Variants in ARHGAP42 observed in about 807,000 individuals in gnomAD.
ARHGAP42 encodes Rho GTPase activating protein 42, also known as rho GTPase-activating protein 42.
ARHGAP42 carries 63 observed loss-of-function variants against 125.0 expected under a neutral mutation model. That is an observed-to-expected ratio of 0.50 (90% CI 0.41 to 0.62). The LOEUF (loss-of-function observed/expected upper bound fraction) is 0.62, where lower values mean the gene tolerates loss of function less well. Ranked by LOEUF, ARHGAP42 falls within the 20% of genes least tolerant of loss-of-function variation. The pLI, the probability that ARHGAP42 is intolerant of heterozygous loss-of-function variation, is 0.00. For missense variants in ARHGAP42, 766 were observed against 1,024.2 expected (o/e 0.75, Z 3.44); for synonymous variants, 339 against 351.0 (o/e 0.97, Z 0.38).
At chr11:100,807,523 A>T (rs1160096036) in intron 3 of ARHGAP42, among the ~76,000 whole-genome samples, 1 of 152,162 alleles carries the variant, frequency 6.6e-6, no homozygotes, top group South Asian at 2.1e-4. Flanking sequence ...TTTGATCCTT[A>T]CAACAATCTG....
At chr11:100,785,744 G>T (rs1863418057) in intron 2 of ARHGAP42, among the ~76,000 whole-genome samples, 2 of 152,210 alleles carry the variant, frequency 1.3e-5, no homozygotes, top group Admixed American at 1.3e-4. Flanking sequence ...TTCCCCTTCA[G>T]TCAGGATACT....
chr11:100,712,798 T>G (rs1861587362), intron 1 of ARHGAP42, among the ~76,000 whole-genome samples: 1 of 152,220 alleles, frequency 6.6e-6, no homozygotes, highest in South Asian at 2.1e-4. Context: ...TAACTACATT[T>G]TTTTTCAATC....
intron 6 of ARHGAP42, 99 bp downstream of exon 6, chr11:100,921,703 TG>T: frequency 1.3e-6 from 1 of 765,398 alleles, no homozygotes; most frequent in Non-Finnish European, 2.0e-6. Flanking sequence ...TTGAAAATTA[TG>T]ATTGATAAAA....
Position 100,911,080 on chromosome 11 carries a change from A to T in ARHGAP42, c.385-2372A>T, listed in dbSNP as rs73578170. Among the ~76,000 whole-genome samples, 1,505 of 152,248 alleles carry T rather than the reference A, an allele frequency of 9.9e-3. 22 individuals carry two copies. The highest frequency in any genetic ancestry group is 0.033 in the African/African-American group (1,385 of 41,538). ...TCTTCCTCTTCTATGAAAAGTGAGA[A>T]ATTTTAAGCATCTATTTTAAGATGA... On this transcript the variant is annotated intron_variant, in intron 4 of 23. Coordinates refer to ENST00000298815, the MANE Select transcript of ARHGAP42 (RefSeq NM_152432.4).
intron 3 of ARHGAP42, among the ~76,000 whole-genome samples, chr11:100,805,336 G>T (rs1220626162): frequency 6.6e-6 from 1 of 152,148 alleles, no homozygotes; most frequent in Non-Finnish European, 1.5e-5. Context: ...GATATCATAT[G>T]TAAGATGTGC....
At chr11:100,768,762 C>T (rs1180064892) in intron 1 of ARHGAP42, among the ~76,000 whole-genome samples, 1 of 152,114 alleles carries the variant, frequency 6.6e-6, no homozygotes, top group Non-Finnish European at 1.5e-5. Flanking sequence ...ATTTATTAGA[C>T]TTAAATAGGG....
At chr11:100,892,803 C>T (rs1866253020) in intron 4 of ARHGAP42, among the ~76,000 whole-genome samples, 1 of 152,182 alleles carries the variant, frequency 6.6e-6, no homozygotes, top group African/African-American at 2.4e-5. Context: ...AGACCCTTGG[C>T]TCACTTGGTC....
At chr11:100,872,654 A>C (rs1462698162) in intron 4 of ARHGAP42, among the ~76,000 whole-genome samples, 1 of 152,118 alleles carries the variant, frequency 6.6e-6, no homozygotes, top group Non-Finnish European at 1.5e-5. Context: ...CAGCCTCCCA[A>C]AGTGCTGAGA....
intron 22 of ARHGAP42, among the ~76,000 whole-genome samples, chr11:100,980,351 A>G (rs1390667634): frequency 6.6e-6 from 1 of 152,038 alleles, no homozygotes; most frequent in Non-Finnish European, 1.5e-5. Flanking sequence ...CATGCTACGT[A>G]GTTGAATTGC....
chr11:100,693,148 A>AT (rs2120172557), intron 1 of ARHGAP42, among the ~76,000 whole-genome samples: 1 of 147,202 alleles, frequency 6.8e-6, no homozygotes, highest in Non-Finnish European at 1.5e-5. Context: ...GGTTATATAA[A>AT]TTTGCACGTA....
intron 6 of ARHGAP42, among the ~76,000 whole-genome samples, chr11:100,929,339 C>T (rs1452614553): frequency 1.3e-5 from 2 of 152,172 alleles, no homozygotes; most frequent in African/African-American, 2.4e-5. Flanking sequence ...GGTTCCTAAC[C>T]GGCCACAAAT....
chr11:100,900,547 A>G (rs893854551), intron 4 of ARHGAP42, among the ~76,000 whole-genome samples: 2 of 152,166 alleles, frequency 1.3e-5, no homozygotes, highest in South Asian at 2.1e-4. Flanking sequence ...AGGTATACCA[A>G]TCAAACATAG....
Position 100,959,902 on chromosome 11 carries a change from G to T in ARHGAP42, c.1182G>T (p.Gly394=), listed in dbSNP as rs536479001. 3.0e-5 allele frequency: 46 copies of T among 1,551,328 alleles called. No individual in the cohort carries two copies. The highest frequency in any genetic ancestry group is 3.9e-5 in the Non-Finnish European group (45 of 1,146,592). The change falls in exon 13 of 24, where the codon GGG becomes GGT. Residue 394 remains glycine, a synonymous_variant. Transcript: ENST00000298815. ...KKEEMYLNEA[G]FNFVRKCIQA... is the part of the protein sequence containing the mutation. Reference sequence around the variant, plus strand: ...TTTCAGTGTATTTGAATGAAGCAGGGTTCAACTTTGTGAGAAAATGCATTC... The same window carrying T: ...TTTCAGTGTATTTGAATGAAGCAGGTTTCAACTTTGTGAGAAAATGCATTC...
At chr11:100,923,508 A>T (rs773813228) in intron 6 of ARHGAP42, among the ~76,000 whole-genome samples, 1 of 151,222 alleles carries the variant, frequency 6.6e-6, no homozygotes, top group Non-Finnish European at 1.5e-5. Context: ...GGAATAGTGA[A>T]CTAGAACATT....
rs1858779116 is a variant in ARHGAP42 at position 100,989,620 on chromosome 11, A to G, written c.*819A>G. 1 of 152,486 alleles carries G rather than the reference A, an allele frequency of 6.6e-6. No homozygotes were observed. Among genetic ancestry groups the G allele is most frequent in the African/African-American group, 2.4e-5 (1 of 41,468 alleles). 9.4% of individuals were successfully genotyped at this position (152,486 alleles called of 1,614,324 possible). On this transcript the variant is annotated 3_prime_UTR_variant, in exon 24 of 24. Transcript: ENST00000298815. ...AAATTTTACATGAAAATATACTGATAAATTATATGCACATATTTTCTACCA... is the reference window on the plus strand; with the variant it reads ...AAATTTTACATGAAAATATACTGATGAATTATATGCACATATTTTCTACCA...
chr11:100,815,051 C>T (rs1864234035), intron 3 of ARHGAP42, among the ~76,000 whole-genome samples: 1 of 152,162 alleles, frequency 6.6e-6, no homozygotes, highest in Non-Finnish European at 1.5e-5. Context: ...CTTATGGTGT[C>T]CAGTACTTTT....
intron 3 of ARHGAP42, among the ~76,000 whole-genome samples, chr11:100,845,783 G>A (rs976045179): frequency 1.3e-5 from 2 of 152,036 alleles, no homozygotes; most frequent in African/African-American, 4.8e-5. Context: ...ATGTAATTTT[G>A]TACCTTAGTA....
intron 1 of ARHGAP42, among the ~76,000 whole-genome samples, chr11:100,727,493 C>A (rs1369025074): frequency 2.0e-5 from 3 of 152,162 alleles, no homozygotes; most frequent in Non-Finnish European, 4.4e-5. Context: ...GGAAAGAGTC[C>A]GCCACAATTA....
chr11:100,856,742 A>G (rs927513355), intron 3 of ARHGAP42, among the ~76,000 whole-genome samples: 1 of 152,142 alleles, frequency 6.6e-6, no homozygotes, highest in Non-Finnish European at 1.5e-5. Context: ...GGGGGAAACT[A>G]TAAGACTGCT....
Sources: allele counts gnomAD v4.1 joint callset (sites outside exome capture counted in the v4.1 genomes callset), GRCh38; gene constraint gnomAD v4.1.1; transcripts MANE v1.5; gene names NCBI Gene and HGNC (gene_info 2026-07-23, HGNC 2026-07-21).